CDH12: variants seen among roughly 807,000 people sequenced by gnomAD.
The protein encoded by CDH12 is cadherin 12, also known as cadherin-12.
CDH12 carries 41 observed loss-of-function variants against 74.1 expected under a neutral mutation model. That is an observed-to-expected ratio of 0.55 (90% CI 0.43 to 0.72). The LOEUF is 0.72. Ranked by LOEUF, CDH12 falls within the 30% of genes least tolerant of loss-of-function variation. The probability of loss-of-function intolerance (pLI) is 0.00; values close to 1 mark genes in which losing one functional copy is unlikely to be tolerated. For synonymous variants in CDH12, 399 were observed against 355.0 expected, an observed-to-expected ratio of 1.12 and a Z score of -1.39; for missense variants, 945 against 977.2, an observed-to-expected ratio of 0.97 and a Z score of 0.44.
chr5:22,028,848 C>T (rs1411901906), intron 5 of CDH12, among the ~76,000 whole-genome samples: 1 of 152,154 alleles, frequency 6.6e-6, no homozygotes, highest in African/African-American at 2.4e-5. Flanking sequence ...ATCACGCTAC[C>T]TCACTTCAAA....
chr5:22,586,225 C>T (rs1413262043), intron 1 of CDH12, among the ~76,000 whole-genome samples: 1 of 152,026 alleles, frequency 6.6e-6, no homozygotes, highest in East Asian at 1.9e-4. Flanking sequence ...TCATTCTCAG[C>T]AAACTCGCAA....
At chr5:22,259,071 G>C (rs992789019) in intron 3 of CDH12, among the ~76,000 whole-genome samples, 5 of 151,842 alleles carry the variant, frequency 3.3e-5, no homozygotes, top group Non-Finnish European at 7.4e-5. Flanking sequence ...TGTTTATTTG[G>C]ATATTTTATA....
chr5:21,995,124 G>T (rs1240148503), intron 5 of CDH12, among the ~76,000 whole-genome samples: 5 of 152,028 alleles, frequency 3.3e-5, no homozygotes. Flanking sequence ...AACATTGGAA[G>T]GAACAAACTC....
chr5:22,722,715 C>G (rs1561603224), intron 1 of CDH12, among the ~76,000 whole-genome samples: 1 of 152,158 alleles, frequency 6.6e-6, no homozygotes. Flanking sequence ...CCCCTTGAAA[C>G]AGATGTATAT....
chr5:22,457,281 G>A (rs1459962978), intron 2 of CDH12, among the ~76,000 whole-genome samples: 1 of 152,118 alleles, frequency 6.6e-6, no homozygotes, highest in Non-Finnish European at 1.5e-5. Flanking sequence ...AGTTCTGGAA[G>A]GTAGAAGTCT....
chr5:21,889,777 C>G (rs974422857), intron 6 of CDH12: 59 of 984,628 alleles, frequency 6.0e-5, no homozygotes, highest in Middle Eastern at 1.0e-3. Flanking sequence ...GTAACCATGT[C>G]CATAAAAGCA....
chr5:22,648,823 TGAC>T (rs1199029805), intron 1 of CDH12, among the ~76,000 whole-genome samples: 1 of 151,898 alleles, frequency 6.6e-6, no homozygotes, highest in Non-Finnish European at 1.5e-5. Flanking sequence ...GTGACATAAA[TGAC>T]AACATATTCA....
intron 11 of CDH12, among the ~76,000 whole-genome samples, chr5:21,773,552 C>G (rs1163868661): frequency 6.6e-6 from 1 of 152,170 alleles, no homozygotes; most frequent in East Asian, 1.9e-4. Flanking sequence ...GGCTCTTGGG[C>G]CTTCAGCCAC....
chr5:22,358,457 A>G (rs1011411094), intron 3 of CDH12, among the ~76,000 whole-genome samples: 1 of 151,996 alleles, frequency 6.6e-6, no homozygotes, highest in Non-Finnish European at 1.5e-5. Context: ...AGCAGCCCCC[A>G]CTTTAAATGA....
intron 7 of CDH12, among the ~76,000 whole-genome samples, chr5:21,843,716 T>C (rs1750002281): frequency 6.6e-6 from 1 of 152,104 alleles, no homozygotes; most frequent in South Asian, 2.1e-4. Flanking sequence ...TGACACCTTT[T>C]TAATCCAATG....
chr5:21,960,694 G>A (rs1756317231), intron 6 of CDH12, among the ~76,000 whole-genome samples: 2 of 151,816 alleles, frequency 1.3e-5, no homozygotes, highest in East Asian at 1.9e-4. Flanking sequence ...ATATACAAAT[G>A]ACTTATACAC....
chr5:21,985,079 C>T (rs1019562136), intron 5 of CDH12, among the ~76,000 whole-genome samples: 19 of 152,078 alleles, frequency 1.2e-4, no homozygotes, highest in Admixed American at 4.6e-4. Context: ...TTTCTGAACA[C>T]GAAGCCCCAT....
chr5:22,190,358 G>GTA (rs1245650691), intron 4 of CDH12, among the ~76,000 whole-genome samples: 3 of 119,776 alleles, frequency 2.5e-5, no homozygotes, highest in African/African-American at 8.9e-5. Flanking sequence ...CTGTCTGTCT[G>GTA]TCTATCTATC....
chr5:22,431,433 T>C (rs1744167730), intron 2 of CDH12, among the ~76,000 whole-genome samples: 1 of 152,226 alleles, frequency 6.6e-6, no homozygotes, highest in Non-Finnish European at 1.5e-5. Flanking sequence ...GGTATAAAAG[T>C]AACAGCACAT....
intron 6 of CDH12, among the ~76,000 whole-genome samples, chr5:21,878,514 A>G (rs991105702): frequency 6.7e-6 from 1 of 148,368 alleles, no homozygotes; most frequent in Non-Finnish European, 1.5e-5. Context: ...GGATCACTTG[A>G]GCCTAGGAGT....
intron 1 of CDH12, among the ~76,000 whole-genome samples, chr5:22,581,850 C>T (rs1356077860): frequency 6.6e-6 from 1 of 152,026 alleles, no homozygotes; most frequent in Non-Finnish European, 1.5e-5. Flanking sequence ...ACTTTTCTTA[C>T]CAAATCCTGG....
At chr5:22,643,748 TTTTTTTTTTTTTC>T (rs1310015558) in intron 1 of CDH12, among the ~76,000 whole-genome samples, 8 of 136,648 alleles carry the variant, frequency 5.9e-5, no homozygotes, top group Non-Finnish European at 1.1e-4. Context: ...TTTTTTTTTT[TTTTTTTTTTTTTC>T]CACAAATTGA....
intron 3 of CDH12, among the ~76,000 whole-genome samples, chr5:22,342,882 T>C (rs965275025): frequency 2.6e-5 from 4 of 151,468 alleles, no homozygotes; most frequent in Non-Finnish European, 2.9e-5. Flanking sequence ...GGAGTCTCAC[T>C]CTGTTGCCCA....
intron 5 of CDH12, among the ~76,000 whole-genome samples, chr5:21,998,276 A>G (rs1333867928): frequency 6.6e-6 from 1 of 152,174 alleles, no homozygotes; most frequent in Non-Finnish European, 1.5e-5. Context: ...ACAGCAGTCA[A>G]TAAAGGAGAG....
Sources: allele counts gnomAD v4.1 joint callset (sites outside exome capture counted in the v4.1 genomes callset), GRCh38; gene constraint gnomAD v4.1.1; transcripts MANE v1.5; gene names NCBI Gene and HGNC (gene_info 2026-07-23, HGNC 2026-07-21).